The following KCNMA1 variants were observed in gnomAD, a reference collection of about 807,000 sequenced individuals.
KCNMA1 encodes the protein Calcium-activated potassium channel subunit alpha-1.
A neutral mutation model predicts 140.0 loss-of-function variants in KCNMA1; 29 were observed. That is an observed-to-expected ratio of 0.21 (90% CI 0.15 to 0.28). KCNMA1 has a LOEUF of 0.28. KCNMA1 is among the 10% of genes least tolerant of loss of function. The probability of loss-of-function intolerance (pLI) is 1.00; values close to 1 mark genes in which losing one functional copy is unlikely to be tolerated. For missense variants in KCNMA1, 880 were observed against 1,602.2 expected, an observed-to-expected ratio of 0.55 and a Z score of 7.70; for synonymous variants, 612 against 611.9, an observed-to-expected ratio of 1.00 and a Z score of 0.00.
At chr10:76,974,476 T>C (rs758447464) in intron 19 of KCNMA1, 1 of 1,511,108 alleles carries the variant, frequency 6.6e-7, no homozygotes, top group South Asian at 1.2e-5. Flanking sequence ...TGGGTCCCAG[T>C]CTTCCTTCAC....
rs117066969 is a variant in KCNMA1, at chr10:77,233,040, C to T, written c.602+18155G>A. ...TAGCTGGGTTCACAAGCGTGTGCCACCATACCTGGCTAATGTTTAAAAAAG... is the reference window on the plus strand; with the variant it reads ...TAGCTGGGTTCACAAGCGTGTGCCATCATACCTGGCTAATGTTTAAAAAAG... On this transcript the variant is annotated intron_variant, in intron 3 of 27. Transcript: ENST00000286628. Among the ~76,000 whole-genome samples the T allele has an allele frequency of 1.6e-4, 25 of 152,140 alleles. 1 individual carries two copies. In the East Asian group the frequency reaches 4.8e-3, roughly 29 times the overall value.
At chr10:77,311,087 C>T (rs2079136499) in intron 2 of KCNMA1, among the ~76,000 whole-genome samples, 1 of 152,208 alleles carries the variant, frequency 6.6e-6, no homozygotes, top group Non-Finnish European at 1.5e-5. Context: ...CTGTCCAAGG[C>T]TGATCACCTT....
chr10:77,012,318 C>G (rs918206426), intron 17 of KCNMA1: 66 of 1,465,810 alleles, frequency 4.5e-5, no homozygotes, highest in Non-Finnish European at 5.9e-5. Flanking sequence ...CACACTGTGT[C>G]TGCTCATTCG....
chr10:77,123,508 G>A (rs1021091905), intron 5 of KCNMA1, among the ~76,000 whole-genome samples: 2 of 152,126 alleles, frequency 1.3e-5, no homozygotes, highest in African/African-American at 4.8e-5. Flanking sequence ...TCTCATACCA[G>A]TATCACTGTC....
intron 5 of KCNMA1, among the ~76,000 whole-genome samples, chr10:77,174,933 G>A (rs2098739661): frequency 6.6e-6 from 1 of 152,204 alleles, no homozygotes; most frequent in Non-Finnish European, 1.5e-5. Context: ...AGATTCTTAG[G>A]TTAATGGTTT....
At chr10:77,012,295 G>T (rs1326965745) in intron 17 of KCNMA1, 4 of 1,461,578 alleles carry the variant, frequency 2.7e-6, no homozygotes, top group African/African-American at 1.4e-5. Context: ...TGGGAAAAAA[G>T]TTGCTGATGT....
Position 76,949,135 on chromosome 10 carries a change from G to T in KCNMA1, c.2709+7C>A. On this transcript the variant is annotated splice_region_variant and intron_variant, in intron 22 of 27. Coordinates refer to ENST00000286628, the MANE Select transcript of KCNMA1 (RefSeq NM_001161352.2). Reference sequence around the variant, plus strand: ...AAAAGGCATCAATAATGTGACCTTGGACTTACAGGCAATATGGACACTTTG... The same window carrying T: ...AAAAGGCATCAATAATGTGACCTTGTACTTACAGGCAATATGGACACTTTG... The T allele has an allele frequency of 6.3e-7, 1 of 1,599,006 alleles. No homozygotes were observed. Among genetic ancestry groups the T allele is most frequent in the Non-Finnish European group, 8.6e-7 (1 of 1,166,194 alleles).
At chr10:76,922,705 G>A (rs114388813) in intron 23 of KCNMA1, among the ~76,000 whole-genome samples, 1,957 of 152,312 alleles carry the variant, frequency 0.013, 50 homozygotes, top group African/African-American at 0.045. Flanking sequence ...ATGAGATAGA[G>A]CTCTGTCATT....
chr10:76,905,408 G>T (rs2047420344), intron 25 of KCNMA1, among the ~76,000 whole-genome samples: 1 of 152,304 alleles, frequency 6.6e-6, no homozygotes, highest in South Asian at 2.1e-4. Flanking sequence ...AGAAGAAGGA[G>T]GATCCTCTCG....
At chr10:77,365,610 G>A (rs563559033) in intron 2 of KCNMA1, among the ~76,000 whole-genome samples, 37 of 152,284 alleles carry the variant, frequency 2.4e-4, no homozygotes, top group African/African-American at 8.4e-4. Flanking sequence ...TGTATCAGAA[G>A]CTACACTTTA....
chr10:77,420,316 CTGT>C (rs1457266950), intron 1 of KCNMA1, among the ~76,000 whole-genome samples: 15 of 152,380 alleles, frequency 9.8e-5, no homozygotes, highest in Non-Finnish European at 2.2e-4. Flanking sequence ...CCACCGGAGG[CTGT>C]TAATAGACCT....
chr10:76,908,081 A>G (rs575580652), intron 25 of KCNMA1, among the ~76,000 whole-genome samples: 2 of 152,366 alleles, frequency 1.3e-5, no homozygotes, highest in South Asian at 4.1e-4. Flanking sequence ...GTCTTCTGAG[A>G]TCTCTGTAAT....
intron 1 of KCNMA1, among the ~76,000 whole-genome samples, chr10:77,410,902 C>G (rs942296259): frequency 4.6e-5 from 7 of 152,396 alleles, no homozygotes; most frequent in Admixed American, 3.9e-4. Context: ...CCTGTCTGTG[C>G]TGTCTTCTCC....
At chr10:77,178,667 T>C (rs1373222003) in intron 5 of KCNMA1, among the ~76,000 whole-genome samples, 1 of 152,120 alleles carries the variant, frequency 6.6e-6, no homozygotes, top group Admixed American at 6.5e-5. Context: ...ATCGCACCAC[T>C]GCACTCCAGC....
chr10:76,987,150 G>C (rs1907723), intron 19 of KCNMA1, among the ~76,000 whole-genome samples: 147,205 of 151,990 alleles, frequency 0.97, 71,346 homozygotes, highest in Middle Eastern at 0.99. Context: ...GAAACATATT[G>C]TCAACAGAGT....
At chr10:77,294,532 T>C (rs1175272489) in intron 2 of KCNMA1, among the ~76,000 whole-genome samples, 2 of 152,248 alleles carry the variant, frequency 1.3e-5, no homozygotes. Context: ...CATAGGAGTT[T>C]ACCCCATAGA....
At chr10:77,572,603 T>TATATATATATATATATATATATAA (rs1491270036) in intron 1 of KCNMA1, among the ~76,000 whole-genome samples, 4 of 98,668 alleles carry the variant, frequency 4.1e-5, no homozygotes, top group Non-Finnish European at 8.3e-5. Context: ...TATATATATA[T>TATATATATATATATATATATATAA]AAATTAGCTG....
intron 14 of KCNMA1, among the ~76,000 whole-genome samples, chr10:77,057,818 G>T (rs1206695277): frequency 1.3e-5 from 2 of 151,704 alleles, no homozygotes; most frequent in African/African-American, 4.8e-5. Context: ...AGAAAGAAGA[G>T]AGTTCAAAGT....
At chr10:77,372,926 A>G (rs2094837614) in intron 2 of KCNMA1, 1 of 152,220 alleles carries the variant, frequency 6.6e-6, no homozygotes, top group Non-Finnish European at 1.5e-5. Flanking sequence ...TGCCCAAGAA[A>G]TATTTAATTA....
Sources: allele counts gnomAD v4.1 joint callset (sites outside exome capture counted in the v4.1 genomes callset), GRCh38; gene constraint gnomAD v4.1.1; transcripts MANE v1.5; gene names NCBI Gene and HGNC (gene_info 2026-07-23, HGNC 2026-07-21).